Variants in RMDN2 observed in about 807,000 individuals in gnomAD.
RMDN2 encodes regulator of microtubule dynamics 2.
A neutral mutation model predicts 52.8 loss-of-function variants in RMDN2; 61 were observed. That is an observed-to-expected ratio of 1.16 (90% CI 0.94 to 1.43). The LOEUF is 1.43. Ranked by LOEUF, RMDN2 falls within the 40% of genes most tolerant of loss-of-function variation. The pLI is 0.00. For missense variants in RMDN2, 592 were observed against 475.3 expected, an observed-to-expected ratio of 1.25 and a Z score of -2.28; for synonymous variants, 180 against 153.1, an observed-to-expected ratio of 1.18 and a Z score of -1.30.
intron 5 of RMDN2, among the ~76,000 whole-genome samples, chr2:37,984,379 C>G (rs942054005): frequency 6.6e-6 from 1 of 152,152 alleles, no homozygotes; most frequent in Non-Finnish European, 1.5e-5. Flanking sequence ...CTACCCTTTG[C>G]AAATTATATC....
chr2:38,046,690 A>G lies in RMDN2; in HGVS notation c.1714-20292A>G, dbSNP rs185754528. On this transcript the variant is annotated intron_variant, in intron 10 of 10. Coordinates refer to the RMDN2 transcript ENST00000234195. ...ATTAATAGCTAACTTCTCATTAAAA[A>G]AATAAGAATCCAGGCCCGGTGCGGT... Among the ~76,000 whole-genome samples, 168 of 152,336 alleles carry G rather than the reference A, an allele frequency of 1.1e-3. 1 individual carries two copies. The highest frequency in any genetic ancestry group is 3.4e-3 in the Middle Eastern group (1 of 294).
exon 11 of RMDN2, chr2:38,067,132 C>T: frequency 2.5e-6 from 2 of 798,558 alleles, no homozygotes; most frequent in South Asian, 3.0e-5. Context: ...AACATTTCCA[C>T]ATAGTACATG....
intron 2 of RMDN2, among the ~76,000 whole-genome samples, chr2:37,955,484 G>C (rs1669329560): frequency 6.6e-6 from 1 of 151,968 alleles, no homozygotes; most frequent in Non-Finnish European, 1.5e-5. Flanking sequence ...TGTTTATGTG[G>C]TATTGATATG....
intron 10 of RMDN2, among the ~76,000 whole-genome samples, chr2:38,010,007 C>T (rs1049243752): frequency 2.0e-5 from 3 of 152,216 alleles, no homozygotes; most frequent in African/African-American, 4.8e-5. Context: ...GTATCAGCAG[C>T]AGAGGCTGCA....
chr2:38,059,824 G>A (rs762660455), intron 10 of RMDN2, among the ~76,000 whole-genome samples: 4 of 152,180 alleles, frequency 2.6e-5, no homozygotes, highest in Non-Finnish European at 2.9e-5. Context: ...AAGCCCTGGC[G>A]GGGCACTGAA....
exon 11 of RMDN2, chr2:38,067,100 C>T: frequency 1.9e-6 from 2 of 1,055,002 alleles, no homozygotes; most frequent in Non-Finnish European, 2.9e-6. Context: ...GTATTTTTAC[C>T]AAGTAAAAAG....
At chr2:37,990,487 C>T (rs1039853410) in intron 6 of RMDN2, among the ~76,000 whole-genome samples, 11 of 119,988 alleles carry the variant, frequency 9.2e-5, no homozygotes, top group Non-Finnish European at 1.4e-4. Context: ...CCACTGCACT[C>T]GAGCCTGGGC....
chr2:37,997,670 T>C, intron 8 of RMDN2, 156 bp downstream of exon 8: 2 of 600,358 alleles, frequency 3.3e-6, no homozygotes, highest in Non-Finnish European at 5.9e-6. Context: ...ATGCAAGTTA[T>C]TAATATGTTT....
At chr2:38,025,187 T>C (rs1679684445) in intron 10 of RMDN2, among the ~76,000 whole-genome samples, 1 of 152,098 alleles carries the variant, frequency 6.6e-6, no homozygotes, top group African/African-American at 2.4e-5. Context: ...CTTTCAGCAA[T>C]ATTTTGCAGT....
intron 10 of RMDN2, among the ~76,000 whole-genome samples, chr2:38,008,358 A>G (rs573296881): frequency 2.0e-5 from 3 of 152,078 alleles, no homozygotes; most frequent in Admixed American, 1.3e-4. Flanking sequence ...TTTGTAAGTC[A>G]CTAAGGACTT....
chr2:37,959,512 T>C (rs1259159198), intron 2 of RMDN2, among the ~76,000 whole-genome samples: 3 of 150,948 alleles, frequency 2.0e-5, no homozygotes, highest in Non-Finnish European at 4.4e-5. Flanking sequence ...CTTTTATCAT[T>C]TTTTATTGTG....
chr2:38,021,545 C>T (rs566731977), downstream of RMDN2, among the ~76,000 whole-genome samples: 2 of 152,186 alleles, frequency 1.3e-5, no homozygotes, highest in Non-Finnish European at 2.9e-5. Context: ...AAGGAAGAAA[C>T]TCCGAACACA....
In RMDN2 at chr2:37,940,532, G is replaced by A. The variant is rs150019359; in HGVS notation, c.452+10803G>A. Among the ~76,000 whole-genome samples, 17 of 152,262 alleles carry A rather than the reference G, an allele frequency of 1.1e-4. No individual in the cohort carries two copies. The Middle Eastern group carries it at 0.01, about 91-fold the overall frequency. ...TTTCAGGTGCACCAAACAAACACAG[G>A]TTTGGTCTTTTCAGATAGTCCCATG... is the stretch of plus-strand genomic sequence containing the variant. On this transcript the variant is annotated intron_variant, in intron 2 of 10. Coordinates refer to ENST00000354545, the MANE Select transcript of RMDN2 (RefSeq NM_001170791.3).
intron 10 of RMDN2, among the ~76,000 whole-genome samples, chr2:38,066,376 A>T (rs971949823): frequency 6.6e-6 from 1 of 152,230 alleles, no homozygotes; most frequent in African/African-American, 2.4e-5. Flanking sequence ...TGTAAACTAG[A>T]TTATTTTCCT....
intron 2 of RMDN2, among the ~76,000 whole-genome samples, chr2:37,932,922 C>G (rs1381721910): frequency 6.6e-6 from 1 of 150,626 alleles, no homozygotes; most frequent in Non-Finnish European, 1.5e-5. Flanking sequence ...GGCTGACCCC[C>G]CCACCTCCCT....
At chr2:37,921,987 G>C (rs939499096), upstream of RMDN2, among the ~76,000 whole-genome samples, 2 of 152,208 alleles carry the variant, frequency 1.3e-5, no homozygotes, top group African/African-American at 4.8e-5. Flanking sequence ...GGGGAACTCA[G>C]AGCTTCGGTT....
At chr2:37,983,285 G>A (rs1673571601) in intron 5 of RMDN2, among the ~76,000 whole-genome samples, 1 of 152,146 alleles carries the variant, frequency 6.6e-6, no homozygotes, top group Admixed American at 6.5e-5. Context: ...TTCTCTGAGG[G>A]CTTCATTAAG....
chr2:37,947,858 C>T (rs1181293646), intron 2 of RMDN2, among the ~76,000 whole-genome samples: 1 of 152,164 alleles, frequency 6.6e-6, no homozygotes, highest in Non-Finnish European at 1.5e-5. Context: ...GTTAAGGATT[C>T]AGTCCCAGTC....
intron 4 of RMDN2, 75 bp from the exon 5 acceptor site, chr2:37,981,208 C>T: frequency 1.1e-6 from 1 of 915,552 alleles, no homozygotes; most frequent in Non-Finnish European, 1.8e-6. Context: ...ACTTTGTGAA[C>T]CATGAGTTAA....
Sources: allele counts gnomAD v4.1 joint callset (sites outside exome capture counted in the v4.1 genomes callset), GRCh38; gene constraint gnomAD v4.1.1; transcripts MANE v1.5; gene names NCBI Gene and HGNC (gene_info 2026-07-23, HGNC 2026-07-21).